The following THSD4 variants were observed in gnomAD, a reference collection of about 807,000 sequenced individuals.
THSD4 encodes the protein thrombospondin type 1 domain containing 4, also known as thrombospondin type-1 domain-containing protein 4.
A neutral mutation model predicts 119.0 loss-of-function variants in THSD4; 69 were observed. The ratio of observed to expected loss-of-function variants is 0.58; its 90% CI spans 0.48 to 0.71. The LOEUF is 0.71. Ranked by LOEUF, THSD4 falls within the 30% of genes least tolerant of loss-of-function variation. The probability of loss-of-function intolerance (pLI) is 0.00; values close to 1 mark genes in which losing one functional copy is unlikely to be tolerated. For missense variants in THSD4, 1,393 were observed against 1,391.1 expected, an observed-to-expected ratio of 1.00 and a Z score of -0.02; for synonymous variants, 524 against 540.4, an observed-to-expected ratio of 0.97 and a Z score of 0.42.
chr15:71,388,127 C>T (rs749788047), intron 6 of THSD4, among the ~76,000 whole-genome samples: 26 of 152,248 alleles, frequency 1.7e-4, no homozygotes, highest in Non-Finnish European at 3.7e-4. Flanking sequence ...CAAGAACTTA[C>T]TTTACCTTCT....
chr15:71,359,767 G>C (rs113132494), intron 6 of THSD4, among the ~76,000 whole-genome samples: 1,604 of 152,222 alleles, frequency 0.011, 28 homozygotes, highest in African/African-American at 0.037. Context: ...CCAAGATCTT[G>C]CCACTGCACT....
intron 6 of THSD4, among the ~76,000 whole-genome samples, chr15:71,351,069 C>T (rs1282667447): frequency 6.6e-6 from 1 of 152,162 alleles, no homozygotes; most frequent in Non-Finnish European, 1.5e-5. Context: ...CTAAGGCCAG[C>T]TGTGGTCCTG....
intron 7 of THSD4, among the ~76,000 whole-genome samples, chr15:71,516,355 T>A (rs904156446): frequency 9.2e-5 from 14 of 152,116 alleles, no homozygotes; most frequent in African/African-American, 3.4e-4. Flanking sequence ...TGGTCGTGAG[T>A]GGCCCAATCA....
At chr15:71,634,185 C>T (rs3743050) in intron 7 of THSD4, among the ~76,000 whole-genome samples, 40,364 of 134,204 alleles carry the variant, frequency 0.3, 6,196 homozygotes, top group East Asian at 0.65. Context: ...GAAACTCCGT[C>T]TCAAAAAAAA....
intron 7 of THSD4, among the ~76,000 whole-genome samples, chr15:71,647,275 G>A (rs1216259572): frequency 2.0e-5 from 3 of 152,206 alleles, no homozygotes; most frequent in African/African-American, 4.8e-5. Context: ...CTACCTTTCA[G>A]TTTAAAGTTG....
At chr15:71,447,124 T>TTG (rs1346931015) in intron 7 of THSD4, among the ~76,000 whole-genome samples, 30 of 138,230 alleles carry the variant, frequency 2.2e-4, no homozygotes, top group South Asian at 7.7e-4. Flanking sequence ...TTTTGTTTTT[T>TTG]TTTTTTTTTT....
chr15:71,457,049 A>G lies in THSD4; in HGVS notation c.1152+45226A>G, dbSNP rs191738527. Among the ~76,000 whole-genome samples the G allele has an allele frequency of 3.3e-4, 50 of 152,206 alleles. 1 individual carries two copies. Among genetic ancestry groups the G allele is most frequent in the African/African-American group, 1.0e-3 (42 of 41,530 alleles). On this transcript the variant is annotated intron_variant, in intron 7 of 17. Transcript: ENST00000261862. ...TCTCATGAACATCCATTAAACAAGG[A>G]TAAAGTCCCCAGGGTATGCAGAATT...
intron 6 of THSD4, among the ~76,000 whole-genome samples, chr15:71,344,557 A>G (rs1566948229): frequency 6.6e-6 from 1 of 152,080 alleles, no homozygotes; most frequent in Non-Finnish European, 1.5e-5. Flanking sequence ...TGTTCCACAG[A>G]CCTCACATCC....
At chr15:71,170,588 T>C (rs896118406) in intron 3 of THSD4, among the ~76,000 whole-genome samples, 4 of 152,174 alleles carry the variant, frequency 2.6e-5, no homozygotes, top group African/African-American at 9.7e-5. Flanking sequence ...TATCCTAGCA[T>C]AAAGTATGGG....
chr15:71,211,115 GC>G (rs2043885064), intron 3 of THSD4, among the ~76,000 whole-genome samples: 1 of 152,150 alleles, frequency 6.6e-6, no homozygotes, highest in African/African-American at 2.4e-5. Flanking sequence ...GAACATTCTT[GC>G]CATATCAGTA....
At chr15:71,630,310 G>A (rs11631151) in intron 7 of THSD4, among the ~76,000 whole-genome samples, 62,215 of 151,948 alleles carry the variant, frequency 0.41, 13,668 homozygotes, top group Non-Finnish European at 0.49. Flanking sequence ...GCTCTGTCTC[G>A]TCACGGCACT....
intron 7 of THSD4, among the ~76,000 whole-genome samples, chr15:71,518,672 C>G (rs2048395307): frequency 1.3e-5 from 2 of 152,140 alleles, no homozygotes; most frequent in South Asian, 4.1e-4. Context: ...GACTCTCCCC[C>G]ACCACCATAT....
intron 7 of THSD4, among the ~76,000 whole-genome samples, chr15:71,557,615 C>T (rs1220120218): frequency 6.6e-6 from 1 of 152,128 alleles, no homozygotes. Context: ...TTTTCCCCCA[C>T]AGGGAAATTT....
intron 6 of THSD4, among the ~76,000 whole-genome samples, chr15:71,335,772 T>A (rs999659327): frequency 3.3e-5 from 5 of 152,188 alleles, no homozygotes; most frequent in Non-Finnish European, 7.3e-5. Context: ...TCTGGCTGTT[T>A]CTTTTAACAA....
chr15:71,743,337 C>T (rs1341490965), intron 11 of THSD4, among the ~76,000 whole-genome samples: 1 of 152,172 alleles, frequency 6.6e-6, no homozygotes, highest in Non-Finnish European at 1.5e-5. Context: ...TTTTGCTTTC[C>T]TATCCACAAA....
At chr15:71,269,894 C>T (rs980606203) in intron 6 of THSD4, among the ~76,000 whole-genome samples, 7 of 152,132 alleles carry the variant, frequency 4.6e-5, no homozygotes, top group Non-Finnish European at 1.0e-4. Flanking sequence ...AACTTACAAG[C>T]GATGTGAAGG....
chr15:71,117,244 C>CA (rs2040371073), intron 1 of THSD4, among the ~76,000 whole-genome samples: 1 of 152,140 alleles, frequency 6.6e-6, no homozygotes, highest in Admixed American at 6.5e-5. Context: ...TCTCCTATGC[C>CA]ATAAAGAAAT....
chr15:71,528,254 C>T (rs1009413725), intron 7 of THSD4, among the ~76,000 whole-genome samples: 1 of 152,120 alleles, frequency 6.6e-6, no homozygotes, highest in Non-Finnish European at 1.5e-5. Context: ...GAGGTAAATG[C>T]TCTTGCCCAT....
chr15:71,747,856 T>C (rs1439543911), intron 13 of THSD4, among the ~76,000 whole-genome samples: 1 of 152,254 alleles, frequency 6.6e-6, no homozygotes, highest in Non-Finnish European at 1.5e-5. Flanking sequence ...TTCTTTACTC[T>C]AAACAGGATG....
Sources: gnomAD v4.1 joint callset for allele counts (sites outside exome capture counted in the v4.1 genomes callset) on GRCh38, gnomAD v4.1.1 for gene constraint, MANE v1.5 for transcripts, NCBI Gene and HGNC (gene_info 2026-07-23, HGNC 2026-07-21) for gene names.